LCOR: variants seen among roughly 807,000 people sequenced by gnomAD.
LCOR encodes the protein ligand-dependent corepressor.
In LCOR, 14 loss-of-function variants were observed where a neutral mutation model predicts 64.4. That is an observed-to-expected ratio of 0.22 (90% CI 0.14 to 0.34). The LOEUF (loss-of-function observed/expected upper bound fraction) is 0.34. Ranked by LOEUF, LCOR falls within the 10% of genes least tolerant of loss-of-function variation. LCOR has a pLI of 1.00. For synonymous variants in LCOR, 643 were observed against 642.5 expected (o/e 1.00, Z -0.01); for missense variants, 1,686 against 1,765.3 (o/e 0.96, Z 0.80).
chr10:96,869,772 T>C (rs1398881496), intron 2 of LCOR, among the ~76,000 whole-genome samples: 1 of 151,660 alleles, frequency 6.6e-6, no homozygotes, highest in African/African-American at 2.4e-5. Context: ...ACAGGGTTTC[T>C]CCATGTTGGT....
At chr10:96,924,375 TTTTG>T (rs72393708) in intron 4 of LCOR, among the ~76,000 whole-genome samples, 59,150 of 149,700 alleles carry the variant, frequency 0.4, 16,257 homozygotes, top group African/African-American at 0.77. Context: ...GCCAATTTGT[TTTTG>T]TTTGTTTGTT....
rs1846063226 is a variant in LCOR, at chr10:96,870,964, AT to A, written c.-329-36299del. ...GCAACTGGTACTATATCAGTCGGTA[AT>A]TATTTGTTTTCCTTAGACCATATTG... On this transcript the variant is annotated intron_variant, in intron 2 of 7. Coordinates refer to ENST00000421806, the MANE Select transcript of LCOR (RefSeq NM_001346516.2). Among the ~76,000 whole-genome samples, 4 of 152,328 alleles carry A rather than the reference AT, an allele frequency of 2.6e-5. No homozygotes were observed. The South Asian group carries it at 8.3e-4, about 32-fold the overall frequency.
chr10:96,836,886 G>C (rs893753810), intron 2 of LCOR, among the ~76,000 whole-genome samples: 1 of 152,108 alleles, frequency 6.6e-6, no homozygotes, highest in Non-Finnish European at 1.5e-5. Context: ...GAGACTTTTT[G>C]TTAGGCAACT....
At chr10:96,927,606 G>C (rs532536677) in intron 4 of LCOR, among the ~76,000 whole-genome samples, 1 of 152,104 alleles carries the variant, frequency 6.6e-6, no homozygotes, top group African/African-American at 2.4e-5. Context: ...GTTATATTTT[G>C]ATCTCTGATC....
chr10:96,913,771 A>C (rs1192665731), intron 4 of LCOR, among the ~76,000 whole-genome samples: 1 of 152,142 alleles, frequency 6.6e-6, no homozygotes, highest in Non-Finnish European at 1.5e-5. Context: ...AAAATACAAA[A>C]ATTTTAGCTG....
In LCOR at chr10:96,988,600, G is replaced by C. The variant is rs565424899; in HGVS notation, c.*3466G>C. The C allele has an allele frequency of 6.6e-6, 1 of 152,158 alleles. No homozygotes were observed. Among genetic ancestry groups the C allele is most frequent in the Non-Finnish European group, 1.5e-5 (1 of 68,032 alleles). 9.4% of individuals were successfully genotyped at this position (152,158 alleles called of 1,614,324 possible). On this transcript the variant is annotated 3_prime_UTR_variant, in exon 8 of 8. Coordinates refer to ENST00000421806, the MANE Select transcript of LCOR (RefSeq NM_001346516.2). ...GAATTGAGGTTTGGCCTCTTTTCCT[G>C]CTTTGTAATGGGTTCGGTCATGAGG...
chr10:96,900,423 T>TGCAAAATGCAA (rs1846613380), intron 2 of LCOR, among the ~76,000 whole-genome samples: 1 of 151,588 alleles, frequency 6.6e-6, no homozygotes, highest in African/African-American at 2.4e-5. Context: ...TGCAATAGAA[T>TGCAAAATGCAA]AAACCCAAAG....
chr10:96,964,542 A>G (rs556410450), intron 7 of LCOR: 76 of 152,282 alleles, frequency 5.0e-4, no homozygotes, highest in African/African-American at 1.8e-3. Context: ...TACACATGGT[A>G]CAAAGTGATT....
chr10:96,986,736 G>A lies in LCOR; in HGVS notation c.*1602G>A, dbSNP rs1209301106. On this transcript the variant is annotated 3_prime_UTR_variant, in exon 8 of 8. Coordinates refer to ENST00000421806, the MANE Select transcript of LCOR (RefSeq NM_001346516.2). The stretch of plus-strand genomic sequence containing the variant: ...AAAAGGCTTGGTTGTTGAAGCCTCA[G>A]TCAGCTTCCTTAACCGGTTCTGTCA... The A allele has an allele frequency of 6.6e-6, 1 of 152,222 alleles. No individual in the cohort carries two copies. The highest frequency in any genetic ancestry group is 2.4e-5 in the African/African-American group (1 of 41,450). 9.4% of individuals were successfully genotyped at this position (152,222 alleles called of 1,614,324 possible). A position where few individuals can be genotyped will look rare whatever the true frequency, so the allele number is the denominator to read the frequency against.
intron 7 of LCOR, chr10:96,961,430 G>GAA (rs1201414301): frequency 6.6e-6 from 1 of 151,870 alleles, no homozygotes; most frequent in Non-Finnish European, 1.5e-5. Context: ...AACTGTCATT[G>GAA]AACATGCTCA....
chr10:96,935,051 A>G (rs1847324510), intron 4 of LCOR, among the ~76,000 whole-genome samples: 1 of 151,348 alleles, frequency 6.6e-6, no homozygotes, highest in Non-Finnish European at 1.5e-5. Context: ...TTGCCATACT[A>G]TACAATAATG....
intron 2 of LCOR, among the ~76,000 whole-genome samples, chr10:96,901,420 TC>T (rs1460833916): frequency 1.3e-5 from 2 of 152,194 alleles, no homozygotes; most frequent in Non-Finnish European, 2.9e-5. Flanking sequence ...TGAAATATTT[TC>T]CATATTTGGA....
At chr10:96,958,760 T>C (rs944245807) in intron 7 of LCOR, 10 of 261,076 alleles carry the variant, frequency 3.8e-5, no homozygotes, top group East Asian at 3.5e-4. Flanking sequence ...TTCTCTCTCT[T>C]TTTTTGAGTG....
At chr10:96,964,328 A>ATG (rs1338452081) in intron 7 of LCOR, 1 of 150,660 alleles carries the variant, frequency 6.6e-6, no homozygotes, top group Non-Finnish European at 1.5e-5. Flanking sequence ...TTATTTGACC[A>ATG]TGACATTTTG....
rs1371771053 is a variant in LCOR at position 96,989,695 on chromosome 10, A to ATATATATATATTTTT, written c.*4562_*4563insATATATATATTTTTT. ...TAAGGATATATATATATATATATAT[A>ATATATATATATTTTT]TTTTTTTTTTTTTTTTTTTTTTTTA... On this transcript the variant is annotated 3_prime_UTR_variant, in exon 8 of 8. Transcript: ENST00000421806. The ATATATATATATTTTT allele has an allele frequency of 5.8e-5, 5 of 86,160 alleles. No homozygotes were observed. The highest frequency in any genetic ancestry group is 4.4e-4 in the South Asian group (1 of 2,256). 5.3% of individuals were successfully genotyped at this position (86,160 alleles called of 1,614,324 possible). A position where few individuals can be genotyped will look rare whatever the true frequency, so the allele number is the denominator to read the frequency against.
At chr10:96,927,017 T>A (rs1314002599) in intron 4 of LCOR, among the ~76,000 whole-genome samples, 1 of 152,190 alleles carries the variant, frequency 6.6e-6, no homozygotes, top group Non-Finnish European at 1.5e-5. Flanking sequence ...ATTGTTTGAT[T>A]TCTTTGGGAT....
chr10:96,895,571 T>A (rs1362021108), intron 2 of LCOR, among the ~76,000 whole-genome samples: 1 of 152,204 alleles, frequency 6.6e-6, no homozygotes, highest in Non-Finnish European at 1.5e-5. Flanking sequence ...TTAAGTGGAT[T>A]TCTGTTAAAA....
intron 2 of LCOR, among the ~76,000 whole-genome samples, chr10:96,834,282 G>A (rs1333516668): frequency 6.6e-6 from 1 of 152,154 alleles, no homozygotes; most frequent in Non-Finnish European, 1.5e-5. Context: ...ATATGCTTGT[G>A]CAAATAATAA....
At chr10:96,974,912 T>C (rs1159679430) in intron 7 of LCOR, among the ~76,000 whole-genome samples, 1 of 152,266 alleles carries the variant, frequency 6.6e-6, no homozygotes, top group Admixed American at 6.5e-5. Context: ...CTCACACCTG[T>C]AATCCCAGCA....
Sources: gnomAD v4.1 joint callset for allele counts (sites outside exome capture counted in the v4.1 genomes callset) on GRCh38, gnomAD v4.1.1 for gene constraint, MANE v1.5 for transcripts, NCBI Gene and HGNC (gene_info 2026-07-23, HGNC 2026-07-21) for gene names.